Variants in SLC25A21 observed in about 807,000 individuals in gnomAD.
SLC25A21 encodes the protein solute carrier family 25 member 21.
In SLC25A21, 47 loss-of-function variants were observed where a neutral mutation model predicts 43.8. The ratio of observed to expected loss-of-function variants is 1.07; its 90% CI spans 0.85 to 1.37. The LOEUF (loss-of-function observed/expected upper bound fraction) is 1.37, where lower values mean the gene tolerates loss of function less well. SLC25A21 is among the 40% of genes most tolerant of loss of function. The probability of loss-of-function intolerance (pLI) is 0.00; values close to 1 mark genes in which losing one functional copy is unlikely to be tolerated. For missense variants in SLC25A21, 352 were observed against 350.2 expected (o/e 1.00, Z -0.04); for synonymous variants, 131 against 121.3 (o/e 1.08, Z -0.52).
chr14:37,159,603 C>T (rs970016850), intron 1 of SLC25A21, among the ~76,000 whole-genome samples: 6 of 152,048 alleles, frequency 3.9e-5, no homozygotes, highest in African/African-American at 7.2e-5. Flanking sequence ...CTTAAATATA[C>T]GACCCAAAAC....
intron 1 of SLC25A21, among the ~76,000 whole-genome samples, chr14:37,003,060 C>A (rs1029020158): frequency 6.6e-6 from 1 of 151,992 alleles, no homozygotes; most frequent in Admixed American, 6.6e-5. Flanking sequence ...GTTCCGAGAC[C>A]CCCCAGCGGA....
At chr14:36,935,351 T>C (rs907897366) in intron 1 of SLC25A21, among the ~76,000 whole-genome samples, 3 of 152,176 alleles carry the variant, frequency 2.0e-5, no homozygotes, top group African/African-American at 7.2e-5. Context: ...AGAGCTTGAT[T>C]TGAGAGATCT....
At chr14:36,734,065 A>C (rs564402959) in intron 4 of SLC25A21, among the ~76,000 whole-genome samples, 2 of 152,176 alleles carry the variant, frequency 1.3e-5, no homozygotes, top group Non-Finnish European at 2.9e-5. Context: ...AATCATATAT[A>C]AAGAAATATG....
At chr14:36,783,568 C>T (rs1887148988) in intron 3 of SLC25A21, among the ~76,000 whole-genome samples, 1 of 152,112 alleles carries the variant, frequency 6.6e-6, no homozygotes, top group Non-Finnish European at 1.5e-5. Context: ...GGCACTCACT[C>T]AGTATGCTCT....
chr14:36,718,645 T>A (rs1375985693), intron 6 of SLC25A21, among the ~76,000 whole-genome samples: 1 of 152,220 alleles, frequency 6.6e-6, no homozygotes, highest in Non-Finnish European at 1.5e-5. Context: ...CTTTGTGATA[T>A]CATACACGAT....
intron 1 of SLC25A21, among the ~76,000 whole-genome samples, chr14:36,918,782 A>G (rs1396710488): frequency 6.6e-6 from 1 of 152,130 alleles, no homozygotes; most frequent in Non-Finnish European, 1.5e-5. Context: ...ATTACCTTTA[A>G]AAATAACTAA....
In SLC25A21 at chr14:37,127,515, CT is replaced by C. The variant is rs576446620; in HGVS notation, c.70+44765del. Among the ~76,000 whole-genome samples, 82 of 152,180 alleles carry C rather than the reference CT, an allele frequency of 5.4e-4. 1 individual carries two copies. The East Asian group carries it at 0.015, about 29-fold the overall frequency. ...AGATCCTTATCTTTGACTTCTAGTG[CT>C]TTTTTTTCTTTAGTCAATGGCGAAA... On this transcript the variant is annotated intron_variant, in intron 1 of 9. Coordinates refer to ENST00000331299, the MANE Select transcript of SLC25A21 (RefSeq NM_030631.4).
At chr14:37,042,933 T>C (rs1248066076) in intron 1 of SLC25A21, among the ~76,000 whole-genome samples, 2 of 152,228 alleles carry the variant, frequency 1.3e-5, no homozygotes, top group Admixed American at 6.5e-5. Flanking sequence ...TCTCCACTTG[T>C]TGAGGCCATG....
intron 3 of SLC25A21, among the ~76,000 whole-genome samples, chr14:36,753,083 G>T (rs560778234): frequency 2.6e-5 from 4 of 152,118 alleles, no homozygotes; most frequent in African/African-American, 9.7e-5. Flanking sequence ...GTGGCCAGGG[G>T]AGAGAGGTTT....
chr14:37,147,605 C>G (rs1963687176), intron 1 of SLC25A21, among the ~76,000 whole-genome samples: 2 of 149,424 alleles, frequency 1.3e-5, no homozygotes, highest in Non-Finnish European at 3.0e-5. Context: ...CTTAGAGCTG[C>G]CATTACTGGT....
At chr14:37,065,437 G>A (rs567560879) in intron 1 of SLC25A21, among the ~76,000 whole-genome samples, 18 of 152,196 alleles carry the variant, frequency 1.2e-4, no homozygotes, top group Non-Finnish European at 2.5e-4. Context: ...CAAGACATCT[G>A]TCAATTGTAG....
Position 36,678,837 on chromosome 14 carries a change from G to T in SLC25A21, c.*1821C>A. Reference sequence around the variant, plus strand: ...TAGGTCTTAACAGTGAATTCACATGGAGTAATTTTTAAAAGATATCAGATA... The same window carrying T: ...TAGGTCTTAACAGTGAATTCACATGTAGTAATTTTTAAAAGATATCAGATA... On this transcript the variant is annotated 3_prime_UTR_variant, in exon 10 of 10. Transcript: ENST00000331299. 1.0e-6 allele frequency: 1 copy of T among 981,332 alleles called. No individual in the cohort carries two copies. Among genetic ancestry groups the T allele is most frequent in the Non-Finnish European group, 1.2e-6 (1 of 819,388 alleles). The allele number at this position is 981,332 out of a possible 1,614,324, so 60.8% of individuals were successfully genotyped here. A position where few individuals can be genotyped will look rare whatever the true frequency, so the allele number is the denominator to read the frequency against.
intron 1 of SLC25A21, among the ~76,000 whole-genome samples, chr14:37,074,406 C>G (rs1352621168): frequency 1.3e-5 from 2 of 152,216 alleles, no homozygotes; most frequent in Non-Finnish European, 1.5e-5. Flanking sequence ...TTTGCCTCTC[C>G]AAATCCGCTC....
chr14:36,913,816 C>T (rs1891755298), intron 1 of SLC25A21, among the ~76,000 whole-genome samples: 1 of 152,158 alleles, frequency 6.6e-6, no homozygotes, highest in South Asian at 2.1e-4. Context: ...GTAAGCACCA[C>T]ATGGGTATGT....
intron 1 of SLC25A21, among the ~76,000 whole-genome samples, chr14:36,959,373 A>C (rs979930106): frequency 6.6e-6 from 1 of 152,166 alleles, no homozygotes; most frequent in African/African-American, 2.4e-5. Flanking sequence ...AAACCCCAGG[A>C]AATGTCTTTA....
At chr14:36,796,639 T>C (rs997936234) in intron 3 of SLC25A21, among the ~76,000 whole-genome samples, 1 of 151,980 alleles carries the variant, frequency 6.6e-6, no homozygotes, top group Non-Finnish European at 1.5e-5. Context: ...GGTATAAAAT[T>C]CCTTGCTAAG....
chr14:37,038,502 A>T (rs930515818), intron 1 of SLC25A21, among the ~76,000 whole-genome samples: 3 of 152,194 alleles, frequency 2.0e-5, no homozygotes, highest in Admixed American at 6.5e-5. Flanking sequence ...ATTAATTTTC[A>T]TGAATACATT....
At chr14:37,132,852 T>C (rs1963413956) in intron 1 of SLC25A21, among the ~76,000 whole-genome samples, 1 of 151,846 alleles carries the variant, frequency 6.6e-6, no homozygotes, top group African/African-American at 2.4e-5. Flanking sequence ...CACTTCAGCC[T>C]CCCGACTAAC....
At chr14:36,714,369 T>C (rs1017899590) in intron 6 of SLC25A21, among the ~76,000 whole-genome samples, 1 of 152,228 alleles carries the variant, frequency 6.6e-6, no homozygotes, top group Non-Finnish European at 1.5e-5. Flanking sequence ...ACAGGTCTGC[T>C]TCCTCTGAGA....
Sources: allele counts gnomAD v4.1 joint callset (sites outside exome capture counted in the v4.1 genomes callset), GRCh38; gene constraint gnomAD v4.1.1; transcripts MANE v1.5; gene names NCBI Gene and HGNC (gene_info 2026-07-23, HGNC 2026-07-21).